The following ACAD10 variants were observed in gnomAD, a reference collection of about 807,000 sequenced individuals.
ACAD10 encodes ACAD-10.
A neutral mutation model predicts 116.8 loss-of-function variants in ACAD10; 112 were observed. The ratio of observed to expected loss-of-function variants is 0.96; its 90% CI spans 0.82 to 1.12. ACAD10 has a LOEUF of 1.12. Ranked by LOEUF, ACAD10 falls within the 50% of genes most tolerant of loss-of-function variation. The pLI, the probability that ACAD10 is intolerant of heterozygous loss-of-function variation, is 0.00. For missense variants in ACAD10, 1,259 were observed against 1,350.2 expected (o/e 0.93, Z 1.06); for synonymous variants, 486 against 510.6 (o/e 0.95, Z 0.65).
intron 13 of ACAD10, 46 bp downstream of exon 13, chr12:111,745,089 A>G (rs1224224229): frequency 1.3e-6 from 2 of 1,560,052 alleles, no homozygotes; most frequent in East Asian, 2.3e-5. Flanking sequence ...ACCATGGCAT[A>G]CCCTCCCCGA....
intron 2 of ACAD10, among the ~76,000 whole-genome samples, chr12:111,696,429 A>G (rs1888191942): frequency 6.6e-6 from 1 of 152,212 alleles, no homozygotes; most frequent in Non-Finnish European, 1.5e-5. Flanking sequence ...AAATATCAAA[A>G]CAAGAATAAT....
At chr12:111,716,899 T>A (rs1210956817) in intron 7 of ACAD10, among the ~76,000 whole-genome samples, 2 of 152,146 alleles carry the variant, frequency 1.3e-5, no homozygotes, top group African/African-American at 4.8e-5. Flanking sequence ...AAATATACTA[T>A]AATCTGTACC....
At position 111,749,279 on chromosome 12, in the gene ACAD10, C is replaced by G. The variant is rs939030885; in HGVS notation, c.2751C>G (p.Gly917=). The change falls in exon 18 of 21, where the codon GGC becomes GGG. Residue 917 remains glycine (G), a synonymous_variant. Coordinates refer to ENST00000313698, the MANE Select transcript of ACAD10 (RefSeq NM_025247.6). Reference sequence around the variant, plus strand: ...TCGCCCAGGGCAGACTGGGCCCCGGCAGGATCCATCACTGCATGAGGCTGA... The same window carrying G: ...TCGCCCAGGGCAGACTGGGCCCCGGGAGGATCCATCACTGCATGAGGCTGA... The part of the protein sequence containing the change: ...FEIAQGRLGP[G]RIHHCMRLIG... 6.2e-7 allele frequency: 1 copy of G among 1,613,964 alleles called. No homozygotes were observed. The highest frequency in any genetic ancestry group is 8.5e-7 in the Non-Finnish European group (1 of 1,180,036).
At chr12:111,723,204 T>G (rs1430562861) in intron 8 of ACAD10, among the ~76,000 whole-genome samples, 24 of 70,340 alleles carry the variant, frequency 3.4e-4, no homozygotes, top group South Asian at 1.0e-3. Context: ...TGACCCCCCC[T>G]CCTCCCTCCC....
chr12:111,712,805 C>A, intron 6 of ACAD10, 148 bp downstream of exon 6: 1 of 905,228 alleles, frequency 1.1e-6, no homozygotes, highest in Non-Finnish European at 1.7e-6. Flanking sequence ...CATCGGAGCA[C>A]TGCTTTCAGT....
chr12:111,707,846 G>T (rs902323284), intron 4 of ACAD10, among the ~76,000 whole-genome samples: 2 of 152,216 alleles, frequency 1.3e-5, no homozygotes, highest in African/African-American at 2.4e-5. Flanking sequence ...TGACCTGGGA[G>T]TTTGTAAAGA....
chr12:111,686,570 G>C (rs1006548888), intron 1 of ACAD10, among the ~76,000 whole-genome samples: 2 of 152,180 alleles, frequency 1.3e-5, no homozygotes, highest in African/African-American at 4.8e-5. Context: ...CAAAAAATTA[G>C]CCGGGCTTGG....
At chr12:111,699,693 G>T (rs1888294818) in intron 2 of ACAD10, among the ~76,000 whole-genome samples, 1 of 152,122 alleles carries the variant, frequency 6.6e-6, no homozygotes, top group Non-Finnish European at 1.5e-5. Context: ...GCCGAGGTGG[G>T]AGACTGTTTG....
At chr12:111,696,066 T>A (rs868140409) in intron 2 of ACAD10, among the ~76,000 whole-genome samples, 10 of 147,350 alleles carry the variant, frequency 6.8e-5, no homozygotes, top group Non-Finnish European at 1.2e-4. Flanking sequence ...TACTATACTA[T>A]TTTTTTTTTT....
At chr12:111,755,605 G>C (rs1409273410) in intron 19 of ACAD10, 63 bp from the exon 20 acceptor site, 1 of 1,240,464 alleles carries the variant, frequency 8.1e-7, no homozygotes, top group Non-Finnish European at 1.2e-6. Context: ...GGACGGGGGG[G>C]CCTCACTCTG....
chr12:111,744,537 G>A, intron 12 of ACAD10, 106 bp from the exon 13 acceptor site: 1 of 1,378,460 alleles, frequency 7.3e-7, no homozygotes, highest in Non-Finnish European at 9.9e-7. Context: ...CTTAGCAAGT[G>A]CTCAGCAAAT....
At chr12:111,708,656 A>G (rs1888580991) in intron 4 of ACAD10, among the ~76,000 whole-genome samples, 1 of 152,094 alleles carries the variant, frequency 6.6e-6, no homozygotes, top group South Asian at 2.1e-4. Flanking sequence ...CCAAGTGGCA[A>G]GTCAGAGATT....
intron 20 of ACAD10, 95 bp from the exon 21 acceptor site, chr12:111,756,238 G>T: frequency 6.8e-7 from 1 of 1,472,482 alleles, no homozygotes; most frequent in Non-Finnish European, 8.9e-7. Flanking sequence ...CGGGAAGATG[G>T]TTGTTATGGG....
chr12:111,689,470 C>G (rs1196113896), intron 1 of ACAD10, among the ~76,000 whole-genome samples: 1 of 151,882 alleles, frequency 6.6e-6, no homozygotes, highest in Non-Finnish European at 1.5e-5. Context: ...TTCCCTGGTT[C>G]AAGTGATTCT....
In ACAD10 at chr12:111,748,380, GA is replaced by G; in HGVS notation, c.2550del (p.Arg850SerfsTer17). On this transcript the variant is annotated frameshift_variant, in exon 17 of 21. Transcript: ENST00000313698. LOFTEE classifies it high-confidence loss of function. ...GGAAAAACAGACCCACATGCACCAA[GA>G]CACCGGCAGCAGTCTGTGCTCTTGG... ...FMGKTDPHAP[R>X]HRQQSVLLVP... is the part of the protein sequence containing the mutation. 6.2e-7 allele frequency: 1 copy of G among 1,614,142 alleles called. No individual in the cohort carries two copies. The highest frequency in any genetic ancestry group is 8.5e-7 in the Non-Finnish European group (1 of 1,180,030).
intron 4 of ACAD10, among the ~76,000 whole-genome samples, chr12:111,706,976 C>T (rs1286786795): frequency 6.6e-6 from 1 of 151,094 alleles, no homozygotes; most frequent in Non-Finnish European, 1.5e-5. Flanking sequence ...CAGGGTTTCA[C>T]CATGTTGGCC....
intron 18 of ACAD10, chr12:111,753,501 A>T: frequency 1.5e-6 from 1 of 666,728 alleles, no homozygotes; most frequent in East Asian, 3.0e-5. Context: ...TGGCTGGAAT[A>T]AAGGGTTCTT....
chr12:111,701,042 A>C (rs1888335325), intron 2 of ACAD10, among the ~76,000 whole-genome samples: 1 of 152,088 alleles, frequency 6.6e-6, no homozygotes, highest in African/African-American at 2.4e-5. Context: ...TATAGGTGTG[A>C]GCTACTGCAC....
chr12:111,725,696 G>A (rs1402685459), intron 8 of ACAD10, among the ~76,000 whole-genome samples: 4 of 151,816 alleles, frequency 2.6e-5, no homozygotes, highest in Admixed American at 2.6e-4. Flanking sequence ...CACCACACCC[G>A]GCTAATTTTT....
Sources: gnomAD v4.1 joint callset for allele counts (sites outside exome capture counted in the v4.1 genomes callset) on GRCh38, gnomAD v4.1.1 for gene constraint, MANE v1.5 for transcripts, NCBI Gene and HGNC (gene_info 2026-07-23, HGNC 2026-07-21) for gene names.